Variants in PCDHGA7 observed in about 807,000 individuals in gnomAD.
PCDHGA7 encodes protocadherin gamma-A7.
In PCDHGA7, 44 loss-of-function variants were observed where a neutral mutation model predicts 58.3. That is an observed-to-expected ratio of 0.75 (90% CI 0.59 to 0.97). The LOEUF is 0.97. PCDHGA7 is among the 50% of genes least tolerant of loss of function. The pLI, the probability that PCDHGA7 is intolerant of heterozygous loss-of-function variation, is 0.00. For synonymous variants in PCDHGA7, 516 were observed against 504.2 expected, an observed-to-expected ratio of 1.02 and a Z score of -0.31; for missense variants, 1,266 against 1,188.7, an observed-to-expected ratio of 1.06 and a Z score of -0.96.
chr5:141,448,814 G>A (rs967588194), intron 1 of PCDHGA7, among the ~76,000 whole-genome samples: 14 of 152,122 alleles, frequency 9.2e-5, no homozygotes, highest in Non-Finnish European at 1.8e-4. Flanking sequence ...GCGTGATGGC[G>A]GGCGCCTGTA....
rs779191558 is a variant in PCDHGA7 at position 141,491,465 on chromosome 5, A to T, written c.2425-3342A>T. 3.1e-6 allele frequency: 5 copies of T among 1,614,092 alleles called. No homozygotes were observed. Among genetic ancestry groups the T allele is most frequent in the Non-Finnish European group, 4.2e-6 (5 of 1,180,010 alleles). On this transcript the variant is annotated intron_variant, in intron 1 of 3. Transcript: ENST00000518325. The surrounding 1 kb of genome is among the most constrained non-coding windows in gnomAD (Gnocchi z 6.9). ...CAGGACTCACCCTCCCCGGACTTCT[A>T]TAAGCAGTCCAGCCCCAACCTGCAG... is the stretch of plus-strand genomic sequence containing the variant.
intron 1 of PCDHGA7, chr5:141,419,261 G>A (rs758952830): frequency 1.3e-5 from 21 of 1,613,864 alleles, no homozygotes; most frequent in Non-Finnish European, 1.7e-5. Context: ...CAACCAGCCG[G>A]GTGCCTCCAT....
At chr5:141,419,877 C>T in intron 1 of PCDHGA7, 3 of 1,614,062 alleles carry the variant, frequency 1.9e-6, no homozygotes, top group Non-Finnish European at 8.5e-7. Flanking sequence ...GAGGTACTGC[C>T]GGATTTCAGC....
rs61612330 is a variant in PCDHGA7 at position 141,454,796 on chromosome 5, A to ATTTTTTTTTTTTTTTT, written c.2425-39997_2425-39982dup. Among the ~76,000 whole-genome samples the ATTTTTTTTTTTTTTTT allele has an allele frequency of 1.2e-3, 96 of 77,456 alleles. 8 individuals are homozygous for ATTTTTTTTTTTTTTTT. The highest frequency in any genetic ancestry group is 2.0e-3 in the South Asian group (4 of 1,960). 50.8% of individuals were successfully genotyped at this position (77,456 alleles called of 152,430 possible). A position where few individuals can be genotyped will look rare whatever the true frequency, so the allele number is the denominator to read the frequency against. ...AAGGAAATAATCCTCCATGGTTCTA[A>ATTTTTTTTTTTTTTTT]TTTTTTTTTTTTTTTTTTTTTTTTT... On this transcript the variant is annotated intron_variant, in intron 1 of 3. Coordinates refer to ENST00000518325, the MANE Select transcript of PCDHGA7 (RefSeq NM_018920.4).
At chr5:141,434,462 C>T (rs2097695951) in intron 1 of PCDHGA7, among the ~76,000 whole-genome samples, 1 of 152,156 alleles carries the variant, frequency 6.6e-6, no homozygotes, top group Non-Finnish European at 1.5e-5. Flanking sequence ...GTGGGTTTAC[C>T]GGAATGAGGG....
chr5:141,444,410 A>G (rs2098435910), intron 1 of PCDHGA7, among the ~76,000 whole-genome samples: 1 of 151,922 alleles, frequency 6.6e-6, no homozygotes, highest in African/African-American at 2.4e-5. Flanking sequence ...ACCTCAGGTG[A>G]TCTTCCCTCC....
intron 1 of PCDHGA7, among the ~76,000 whole-genome samples, chr5:141,460,418 G>C (rs905215023): frequency 3.3e-5 from 5 of 152,096 alleles, no homozygotes; most frequent in Admixed American, 6.5e-5. Flanking sequence ...TGATGTTTAT[G>C]TATGGTGTAT....
intron 1 of PCDHGA7, among the ~76,000 whole-genome samples, chr5:141,386,902 G>A (rs2090736648): frequency 6.6e-6 from 1 of 152,206 alleles, no homozygotes; most frequent in Non-Finnish European, 1.5e-5. Flanking sequence ...TCAATTCAGA[G>A]GTCACCAAGG....
intron 1 of PCDHGA7, chr5:141,394,345 C>T (rs748471730): frequency 1.2e-6 from 2 of 1,614,146 alleles, no homozygotes; most frequent in Non-Finnish European, 1.7e-6. Context: ...AACTCTGACA[C>T]CGGTGTCCTG....
intron 1 of PCDHGA7, among the ~76,000 whole-genome samples, chr5:141,444,838 T>G (rs2098448876): frequency 6.6e-6 from 1 of 152,214 alleles, no homozygotes; most frequent in African/African-American, 2.4e-5. Context: ...AGCTTTATAG[T>G]AAGTCTTGCT....
intron 1 of PCDHGA7, chr5:141,395,406 G>C (rs923158895): frequency 1.2e-6 from 1 of 833,442 alleles, no homozygotes; most frequent in Non-Finnish European, 1.8e-6. Flanking sequence ...AATAGTCATA[G>C]GTTATTGTTT....
rs1040028231 is a variant in PCDHGA7, at chr5:141,485,542, C to T, written c.2425-9265C>T. 6.8e-6 allele frequency: 11 copies of T among 1,613,900 alleles called. No individual in the cohort carries two copies. Among genetic ancestry groups the T allele is most frequent in the Admixed American group, 6.7e-5 (4 of 59,996 alleles). On this transcript the variant is annotated intron_variant, in intron 1 of 3. Coordinates refer to ENST00000518325, the MANE Select transcript of PCDHGA7 (RefSeq NM_018920.4). The surrounding 1 kb of genome is among the most constrained non-coding windows in gnomAD (Gnocchi z 5.7). ...AAATGTACCGAGCAGAGGTAGAGAT[C>T]GTAGATGTGAATGATCACGCCCCCC...
chr5:141,453,930 T>G (rs944390811), intron 1 of PCDHGA7, among the ~76,000 whole-genome samples: 10 of 152,242 alleles, frequency 6.6e-5, no homozygotes, highest in Non-Finnish European at 1.0e-4. Flanking sequence ...AGTCACTGTG[T>G]GCCTATAATT....
At chr5:141,451,180 T>C (rs1318435826) in intron 1 of PCDHGA7, among the ~76,000 whole-genome samples, 4 of 152,180 alleles carry the variant, frequency 2.6e-5, no homozygotes, top group Non-Finnish European at 4.4e-5. Flanking sequence ...ATTTAGCCAT[T>C]GCTGTGTAAC....
At chr5:141,483,555 C>CAG (rs1415499107) in intron 1 of PCDHGA7, among the ~76,000 whole-genome samples, 2 of 152,152 alleles carry the variant, frequency 1.3e-5, no homozygotes, top group African/African-American at 4.8e-5. Flanking sequence ...GTGCCATTCA[C>CAG]AGAGACAGTG....
At position 141,432,379 on chromosome 5, in the gene PCDHGA7, G is replaced by A; in HGVS notation, c.2424+47056G>A. On this transcript the variant is annotated intron_variant, in intron 1 of 3. Transcript: ENST00000518325. The surrounding 1 kb of genome is among the most constrained non-coding windows in gnomAD (Gnocchi z 6.0). ...TGATGGCGCGGGACAACGGGCACCC[G>A]CCCCTCAGCAGCAACGTGTCGTTGA... 1.2e-6 allele frequency: 2 copies of A among 1,614,208 alleles called. No homozygotes were observed. The highest frequency in any genetic ancestry group is 1.7e-6 in the Non-Finnish European group (2 of 1,180,038).
chr5:141,416,996 C>T (rs1280099812), intron 1 of PCDHGA7: 1 of 151,012 alleles, frequency 6.6e-6, no homozygotes. Flanking sequence ...GTGCATTCAT[C>T]TCAAATAATT....
chr5:141,505,625 C>T, intron 3 of PCDHGA7, 144 bp downstream of exon 3: 1 of 1,489,114 alleles, frequency 6.7e-7, no homozygotes, highest in Non-Finnish European at 9.0e-7. Context: ...CCCACAATTC[C>T]AAACATAAAG....
At chr5:141,497,713 T>C (rs1357797720) in intron 2 of PCDHGA7, among the ~76,000 whole-genome samples, 3 of 152,084 alleles carry the variant, frequency 2.0e-5, no homozygotes, top group Non-Finnish European at 1.5e-5. Context: ...CTCATTTTTG[T>C]ATTTTTAGTA....
Sources: gnomAD v4.1 joint callset for allele counts (sites outside exome capture counted in the v4.1 genomes callset) on GRCh38, gnomAD v4.1.1 for gene constraint, Gnocchi (gnomAD v3.1) non-coding constraint, MANE v1.5 for transcripts, NCBI Gene and HGNC (gene_info 2026-07-23, HGNC 2026-07-21) for gene names.